DCTN1: variants seen among roughly 807,000 people sequenced by gnomAD.
DCTN1 encodes dynactin subunit 1, also known as 150 kDa dynein-associated polypeptide.
DCTN1 carries 61 observed loss-of-function variants against 161.2 expected under a neutral mutation model. The observed-to-expected ratio is 0.38, with a 90% confidence interval of 0.31 to 0.47. The LOEUF is 0.47. Ranked by LOEUF, DCTN1 falls within the 20% of genes least tolerant of loss-of-function variation. The pLI is 0.99. For synonymous variants in DCTN1, 653 were observed against 632.4 expected, an observed-to-expected ratio of 1.03 and a Z score of -0.49; for missense variants, 1,404 against 1,623.7, an observed-to-expected ratio of 0.86 and a Z score of 2.33.
chr2:74,364,885 G>T, intron 26 of DCTN1, 190 bp downstream of exon 26: 1 of 692,744 alleles, frequency 1.4e-6, no homozygotes, highest in Non-Finnish European at 2.5e-6. Flanking sequence ...CCTTTGCCCA[G>T]AGAAACTCAG....
At chr2:74,376,645 A>G in intron 5 of DCTN1, 97 bp downstream of exon 5, 1 of 1,212,516 alleles carries the variant, frequency 8.2e-7, no homozygotes. Flanking sequence ...GCCCAAGGTC[A>G]CACACACATG....
upstream of DCTN1, chr2:74,380,445 T>G (rs774859723): frequency 8.7e-5 from 42 of 483,984 alleles, 1 homozygote; most frequent in African/African-American, 7.1e-4. Flanking sequence ...TTGAATACAC[T>G]GTCCTAGGGC....
chr2:74,382,824 G>A (rs1350014289), upstream of DCTN1, among the ~76,000 whole-genome samples: 2 of 152,156 alleles, frequency 1.3e-5, no homozygotes, highest in Non-Finnish European at 2.9e-5. Context: ...TGTAATCCCA[G>A]CACTTTGGGA....
chr2:74,374,571 A>C, intron 5 of DCTN1: 1 of 1,325,916 alleles, frequency 7.5e-7, no homozygotes, highest in Middle Eastern at 3.0e-4. Flanking sequence ...TCTGACACAG[A>C]GGCCCCCGCA....
At chr2:74,378,655 G>A (rs1675364003) in intron 1 of DCTN1, among the ~76,000 whole-genome samples, 1 of 152,180 alleles carries the variant, frequency 6.6e-6, no homozygotes, top group Admixed American at 6.5e-5. Flanking sequence ...TCTGAGCTGG[G>A]AAGACAGGCA....
intron 5 of DCTN1, among the ~76,000 whole-genome samples, chr2:74,375,888 G>A (rs1675193167): frequency 1.3e-5 from 2 of 152,126 alleles, no homozygotes; most frequent in South Asian, 4.1e-4. Flanking sequence ...CCCCAATCCA[G>A]CAGCTCTCCA....
chr2:74,371,513 C>T, intron 8 of DCTN1, 24 bp downstream of exon 8: 1 of 1,553,898 alleles, frequency 6.4e-7, no homozygotes, highest in Non-Finnish European at 8.7e-7. Context: ...CTTGATTCTC[C>T]TTTACCCCTA....
At chr2:74,380,371 C>T (rs957898071), upstream of DCTN1, 1 of 513,738 alleles carries the variant, frequency 1.9e-6, no homozygotes, top group Non-Finnish European at 3.8e-6. Context: ...CTAGTGCCCC[C>T]CTGCTTCACG....
chr2:74,374,118 G>A (rs1573171612), intron 6 of DCTN1: 3 of 638,882 alleles, frequency 4.7e-6, no homozygotes, highest in East Asian at 3.1e-5. Flanking sequence ...CACAGGCAGA[G>A]CCAAAAGCAG....
At chr2:74,376,670 G>T in intron 5 of DCTN1, 72 bp downstream of exon 5, 3 of 1,431,004 alleles carry the variant, frequency 2.1e-6, no homozygotes, top group Non-Finnish European at 2.9e-6. Context: ...CAGCAGCCCA[G>T]GGACATGCAG....
At chr2:74,380,469 G>C (rs1247640252), upstream of DCTN1, 1 of 477,762 alleles carries the variant, frequency 2.1e-6, no homozygotes, top group South Asian at 1.5e-5. Flanking sequence ...AAGCAGTCTT[G>C]ACACGTCCTC....
intron 1 of DCTN1, 47 bp from the exon 2 acceptor site, chr2:74,378,292 G>A: frequency 6.3e-7 from 1 of 1,598,246 alleles, no homozygotes; most frequent in Non-Finnish European, 8.5e-7. Flanking sequence ...TCAGATCAAA[G>A]GTGGCATTCT....
chr2:74,368,236 A>G (rs1407672671), intron 16 of DCTN1, 105 bp from the exon 17 acceptor site: 3 of 1,455,284 alleles, frequency 2.1e-6, no homozygotes, highest in Non-Finnish European at 2.8e-6. Flanking sequence ...GCATGGACAC[A>G]CATGGGAGAG....
At position 74,367,339 on chromosome 2, in the gene DCTN1, C is replaced by T. The variant is rs1674495476; in HGVS notation, c.2253+13G>A. On this transcript the variant is annotated intron_variant, in intron 19 of 31. Transcript: ENST00000628224. Reference sequence around the variant, plus strand: ...TCTCCACGGGGGCTCAATCACTGGCCCAGATACTTCACCTTAATGTGGTCA... The same window carrying T: ...TCTCCACGGGGGCTCAATCACTGGCTCAGATACTTCACCTTAATGTGGTCA... 4.3e-6 allele frequency: 7 copies of T among 1,614,050 alleles called. No homozygotes were observed. Among genetic ancestry groups the T allele is most frequent in the Non-Finnish European group, 5.9e-6 (7 of 1,179,984 alleles).
upstream of DCTN1, among the ~76,000 whole-genome samples, chr2:74,382,604 A>G (rs1179593752): frequency 6.6e-6 from 1 of 151,844 alleles, no homozygotes; most frequent in Non-Finnish European, 1.5e-5. Flanking sequence ...CAAAAAAAAA[A>G]AAAAAAAAGC....
At chr2:74,388,789 C>T (rs1444832492) in intron 1 of DCTN1, among the ~76,000 whole-genome samples, 1 of 152,176 alleles carries the variant, frequency 6.6e-6, no homozygotes, top group African/African-American at 2.4e-5. Context: ...TGAATAGATG[C>T]CTGTACCAAC....
chr2:74,379,349 G>A (rs936440175), intron 1 of DCTN1, among the ~76,000 whole-genome samples: 1 of 152,156 alleles, frequency 6.6e-6, no homozygotes, highest in African/African-American at 2.4e-5. Flanking sequence ...AGCTTCAGAA[G>A]GGAGCCCTGG....
rs538299619 is a variant in DCTN1, at chr2:74,376,884, C to T, written c.394-122G>A. ...GGGGGAGTCAGGGTGAGATGAGTAGCCCCTCAAAGATCAGCTTCCAGGATG... is the reference window on the plus strand; with the variant it reads ...GGGGGAGTCAGGGTGAGATGAGTAGTCCCTCAAAGATCAGCTTCCAGGATG... On this transcript the variant is annotated intron_variant, in intron 4 of 31. Transcript: ENST00000628224. 1.3e-4 allele frequency: 106 copies of T among 847,916 alleles called. 1 individual carries two copies. In the South Asian group the frequency reaches 1.4e-3, roughly 11 times the overall value. 52.5% of individuals were successfully genotyped at this position (847,916 alleles called of 1,614,324 possible).
intron 4 of DCTN1, among the ~76,000 whole-genome samples, chr2:74,377,169 C>T (rs1406146970): frequency 6.6e-6 from 1 of 152,188 alleles, no homozygotes; most frequent in Non-Finnish European, 1.5e-5. Flanking sequence ...CTACTAGGGC[C>T]AGACCTGTCC....
Sources: allele counts gnomAD v4.1 joint callset (sites outside exome capture counted in the v4.1 genomes callset), GRCh38; gene constraint gnomAD v4.1.1; transcripts MANE v1.5; gene names NCBI Gene and HGNC (gene_info 2026-07-23, HGNC 2026-07-21).